Variants in USP10 observed in about 807,000 individuals in gnomAD.
USP10 encodes the protein ubiquitin carboxyl-terminal hydrolase 10.
Under a neutral mutation model 84.5 loss-of-function variants are expected in USP10, and 22 were observed. The ratio of observed to expected loss-of-function variants is 0.26; its 90% CI spans 0.19 to 0.37. The LOEUF (loss-of-function observed/expected upper bound fraction) is 0.37, where lower values mean the gene tolerates loss of function less well. Among genes scored for constraint, USP10 ranks in the 10% least tolerant of loss-of-function variants. USP10 has a pLI of 1.00. For synonymous variants in USP10, 454 were observed against 387.6 expected, an observed-to-expected ratio of 1.17 and a Z score of -2.01; for missense variants, 1,019 against 998.9, an observed-to-expected ratio of 1.02 and a Z score of -0.27.
intron 8 of USP10, among the ~76,000 whole-genome samples, chr16:84,761,753 A>C (rs1303551820): frequency 6.6e-6 from 1 of 152,294 alleles, no homozygotes; most frequent in Non-Finnish European, 1.5e-5. Context: ...GTTTAGGCAG[A>C]ATCCCGTATC....
Position 84,748,153 on chromosome 16 carries a change from C to CAAAAAAA in USP10, c.1192+2498_1192+2504dup, listed in dbSNP as rs1169089505. 5.3e-4 allele frequency among the ~76,000 whole-genome samples: 27 copies of CAAAAAAA among 51,160 alleles called. 1 individual carries two copies. The highest frequency in any genetic ancestry group is 9.3e-4 in the Admixed American group (3 of 3,240). 33.6% of individuals were successfully genotyped at this position (51,160 alleles called of 152,430 possible). ...TGGGCGACAGAGCCAGACTCCATCT[C>CAAAAAAA]AAAAAAAAAAAAAAAAAAAAAAAAG... On this transcript the variant is annotated intron_variant, in intron 4 of 13. Coordinates refer to ENST00000219473, the MANE Select transcript of USP10 (RefSeq NM_005153.3).
At chr16:84,703,523 T>G (rs897602306) in intron 1 of USP10, among the ~76,000 whole-genome samples, 2 of 152,242 alleles carry the variant, frequency 1.3e-5, no homozygotes, top group African/African-American at 4.8e-5. Flanking sequence ...AATATCTGTT[T>G]CTAGCCAACA....
chr16:84,726,373 G>A (rs1908480020), intron 1 of USP10, among the ~76,000 whole-genome samples: 3 of 152,230 alleles, frequency 2.0e-5, no homozygotes, highest in Admixed American at 6.5e-5. Flanking sequence ...GGAGGAATGT[G>A]TCTTTATTGC....
intron 4 of USP10, 149 bp downstream of exon 4, chr16:84,745,822 T>G: frequency 1.2e-6 from 1 of 852,412 alleles, no homozygotes; most frequent in Non-Finnish European, 1.8e-6. Flanking sequence ...AAATGTTCTC[T>G]AAAAGTAAGA....
At chr16:84,750,566 T>C (rs60830776) in intron 4 of USP10, among the ~76,000 whole-genome samples, 4,899 of 152,230 alleles carry the variant, frequency 0.032, 238 homozygotes, top group African/African-American at 0.11. Context: ...ACATGTGACG[T>C]TTGAAATTGA....
At chr16:84,700,571 C>A (rs576496320) in intron 1 of USP10, among the ~76,000 whole-genome samples, 9 of 152,140 alleles carry the variant, frequency 5.9e-5, no homozygotes, top group Non-Finnish European at 1.5e-5. Context: ...TGCCCTGTTG[C>A]CCCTTTGCCC....
intron 3 of USP10, among the ~76,000 whole-genome samples, chr16:84,741,623 T>G (rs1395917218): frequency 6.6e-6 from 1 of 152,194 alleles, no homozygotes; most frequent in African/African-American, 2.4e-5. Flanking sequence ...CAGTGACTGC[T>G]TCTTGGCCCT....
chr16:84,706,106 T>C (rs1315623863), intron 1 of USP10, among the ~76,000 whole-genome samples: 1 of 152,160 alleles, frequency 6.6e-6, no homozygotes, highest in Non-Finnish European at 1.5e-5. Context: ...GGTCTTGAAC[T>C]CCTGGCCTCA....
chr16:84,713,067 T>C (rs1906519558), intron 1 of USP10, among the ~76,000 whole-genome samples: 1 of 152,238 alleles, frequency 6.6e-6, no homozygotes. Flanking sequence ...GCCTTTCCAG[T>C]ACAGGGCCCA....
intron 11 of USP10, among the ~76,000 whole-genome samples, chr16:84,770,883 T>C (rs932461291): frequency 3.6e-4 from 55 of 151,110 alleles, no homozygotes; most frequent in Non-Finnish European, 6.2e-4. Flanking sequence ...CTGGCCAACA[T>C]GTTGAAACCC....
chr16:84,775,893 T>C (rs548531026), intron 13 of USP10, among the ~76,000 whole-genome samples: 8 of 71,798 alleles, frequency 1.1e-4, no homozygotes, highest in East Asian at 4.1e-4. Context: ...CGTCATCTTT[T>C]ATGCCTCTGA....
At chr16:84,732,985 C>G in intron 1 of USP10, 1 of 425,536 alleles carries the variant, frequency 2.3e-6, no homozygotes, top group Non-Finnish European at 4.6e-6. Flanking sequence ...TAATCAGGAT[C>G]ATTAACATTT....
chr16:84,722,703 G>C (rs972288140), intron 1 of USP10, among the ~76,000 whole-genome samples: 1 of 152,040 alleles, frequency 6.6e-6, no homozygotes, highest in Non-Finnish European at 1.5e-5. Flanking sequence ...GGGATTACAG[G>C]CAGACTCCCC....
rs1162274201 is a variant in USP10, at chr16:84,772,521, T to C, written c.1999-20T>C. ...CAAGTAAGACAGGGACGGTGTGTCC[T>C]GGTGTGCTTTGTGTCTTAGGTTGAG... On this transcript the variant is annotated intron_variant, in intron 11 of 13. Transcript: ENST00000219473. 6.2e-7 allele frequency: 1 copy of C among 1,613,348 alleles called. No homozygotes were observed. The highest frequency in any genetic ancestry group is 8.5e-7 in the Non-Finnish European group (1 of 1,179,706).
Position 84,779,212 on chromosome 16 carries a change from A to G in USP10, c.*130A>G. ...CCCTTTGCAAAAATGGGCTAGAATGAAAAGGAGATGCCTTGGGGTTCGTGC... is the reference window on the plus strand; with the variant it reads ...CCCTTTGCAAAAATGGGCTAGAATGGAAAGGAGATGCCTTGGGGTTCGTGC... On this transcript the variant is annotated 3_prime_UTR_variant, in exon 14 of 14. Transcript: ENST00000219473. The G allele has an allele frequency of 9.2e-7, 1 of 1,090,932 alleles. No homozygotes were observed. Among genetic ancestry groups the G allele is most frequent in the Non-Finnish European group, 1.3e-6 (1 of 775,108 alleles). The allele number at this position is 1,090,932 out of a possible 1,614,324, so 67.6% of individuals were successfully genotyped here. A position where few individuals can be genotyped will look rare whatever the true frequency, so the allele number is the denominator to read the frequency against.
intron 2 of USP10, among the ~76,000 whole-genome samples, chr16:84,734,486 C>T (rs190490129): frequency 1.9e-4 from 29 of 152,198 alleles, no homozygotes; most frequent in African/African-American, 7.0e-4. Flanking sequence ...AGTAGCTTGT[C>T]TTTTTCTTAC....
intron 13 of USP10, among the ~76,000 whole-genome samples, chr16:84,776,010 C>T (rs1914973850): frequency 6.6e-6 from 1 of 152,120 alleles, no homozygotes; most frequent in Non-Finnish European, 1.5e-5. Context: ...CTGGTGTGGC[C>T]TTTGGTGAAC....
Position 84,760,391 on chromosome 16 carries a change from A to G in USP10, c.1554+116A>G, listed in dbSNP as rs1342518444. On this transcript the variant is annotated intron_variant, in intron 8 of 13. Coordinates refer to ENST00000219473, the MANE Select transcript of USP10 (RefSeq NM_005153.3). ...TGTCTCCAGCGCTATAAGTAGATGT[A>G]GGTTTATAAGAGTCCATTGCTTGGA... is the stretch of plus-strand genomic sequence containing the variant. The G allele has an allele frequency of 5.8e-6, 5 of 860,276 alleles. No individual in the cohort carries two copies. The African/African-American group carries it at 8.5e-5, about 15-fold the overall frequency. 53.3% of individuals were successfully genotyped at this position (860,276 alleles called of 1,614,324 possible). A position where few individuals can be genotyped will look rare whatever the true frequency, so the allele number is the denominator to read the frequency against.
intron 1 of USP10, among the ~76,000 whole-genome samples, chr16:84,705,013 C>T (rs937608506): frequency 6.6e-6 from 1 of 152,206 alleles, no homozygotes; most frequent in Non-Finnish European, 1.5e-5. Flanking sequence ...GGTGGCTGCT[C>T]CTAAGAGTCC....
Sources: allele counts gnomAD v4.1 joint callset (sites outside exome capture counted in the v4.1 genomes callset), GRCh38; gene constraint gnomAD v4.1.1; transcripts MANE v1.5; gene names NCBI Gene and HGNC (gene_info 2026-07-23, HGNC 2026-07-21).